SDCBP: variants seen among roughly 807,000 people sequenced by gnomAD.
SDCBP encodes the protein syntenin-1.
In SDCBP, 22 loss-of-function variants were observed where a neutral mutation model predicts 30.5. That is an observed-to-expected ratio of 0.72 (90% CI 0.52 to 1.03). SDCBP has a LOEUF of 1.03. Ranked by LOEUF, SDCBP falls within the 50% of genes least tolerant of loss-of-function variation. The probability of loss-of-function intolerance (pLI) is 0.00; values close to 1 mark genes in which losing one functional copy is unlikely to be tolerated. For synonymous variants in SDCBP, 103 were observed against 118.7 expected (o/e 0.87, Z 0.86); for missense variants, 304 against 369.9 (o/e 0.82, Z 1.46).
At position 58,579,650 on chromosome 8, in the gene SDCBP, T is replaced by A. The variant is rs1805565513; in HGVS notation, c.606T>A (p.His202Gln). The A allele has an allele frequency of 6.3e-7, 1 of 1,594,966 alleles. No individual in the cohort carries two copies. Among genetic ancestry groups the A allele is most frequent in the East Asian group, 2.3e-5 (1 of 44,220 alleles). The stretch of plus-strand genomic sequence containing the variant: ...CCTTTGAACGGACGATTACCATGCA[T>A]AAGGATAGCACTGGACATGTTGGTT... ...DRPFERTITM[H>Q]KDSTGHVGFI... Residue 202 changes from histidine (H) to glutamine (Q), a missense_variant, in exon 7 of 9, where the codon CAT (histidine) becomes CAA (glutamine). His to Gln is a conservative substitution (Grantham distance 24). Coordinates refer to ENST00000260130, the MANE Select transcript of SDCBP (RefSeq NM_005625.4).
intron 1 of SDCBP, among the ~76,000 whole-genome samples, chr8:58,556,342 C>T (rs963097632): frequency 1.1e-4 from 17 of 152,198 alleles, no homozygotes; most frequent in Admixed American, 6.5e-5. Flanking sequence ...CTGACAGGAG[C>T]TGGAGCTCAG....
In SDCBP at chr8:58,553,689, A is replaced by G. The variant is rs1200566132; in HGVS notation, c.-16+386A>G. Among the ~76,000 whole-genome samples, 5 of 152,178 alleles carry G rather than the reference A, an allele frequency of 3.3e-5. No homozygotes were observed. In the South Asian group the frequency reaches 8.3e-4, roughly 25 times the overall value. On this transcript the variant is annotated intron_variant, in intron 1 of 8. Coordinates refer to ENST00000260130, the MANE Select transcript of SDCBP (RefSeq NM_005625.4). ...TCTCTCGATCCTTGTTTTCTCCTCG[A>G]TAAGATCTCGACATAAGAAAGAGCC...
chr8:58,566,171 C>G (rs2129607720), intron 2 of SDCBP, among the ~76,000 whole-genome samples: 1 of 152,186 alleles, frequency 6.6e-6, no homozygotes, highest in South Asian at 2.1e-4. Context: ...GTTTTTATTT[C>G]CACATAGTTC....
At chr8:58,578,294 T>C (rs904065886) in intron 6 of SDCBP, 86 bp downstream of exon 6, 2 of 1,011,112 alleles carry the variant, frequency 2.0e-6, no homozygotes, top group Non-Finnish European at 2.8e-6. Flanking sequence ...GTATATTATT[T>C]TGTTGCAGAA....
In SDCBP at chr8:58,572,040, A is replaced by G. The variant is rs111547257; in HGVS notation, c.131-165A>G. 1.3e-4 allele frequency among the ~76,000 whole-genome samples: 20 copies of G among 152,268 alleles called. 1 individual carries two copies. Among genetic ancestry groups the G allele is most frequent in the African/African-American group, 4.6e-4 (19 of 41,552 alleles). On this transcript the variant is annotated intron_variant, in intron 3 of 8. Transcript: ENST00000260130. ...ACATTTTCTGTATTTTCCATTTCTC[A>G]TTATTACAGAGATGGGGAGATGCCT... is the stretch of plus-strand genomic sequence containing the variant.
intron 1 of SDCBP, chr8:58,560,520 C>T (rs778243302): frequency 2.7e-5 from 4 of 150,936 alleles, no homozygotes; most frequent in Non-Finnish European, 5.9e-5. Flanking sequence ...ACTCTAAAAG[C>T]CCACTGATGG....
chr8:58,562,443 T>G (rs560087036), intron 1 of SDCBP, among the ~76,000 whole-genome samples: 2 of 152,264 alleles, frequency 1.3e-5, no homozygotes, highest in African/African-American at 4.8e-5. Flanking sequence ...ATTTTAAAAC[T>G]TAATACAAAT....
rs751992243 is a variant in SDCBP, at chr8:58,578,145, A to G, written c.515A>G (p.Asp172Gly). The G allele has an allele frequency of 6.2e-7, 1 of 1,611,326 alleles. No homozygotes were observed. The highest frequency in any genetic ancestry group is 1.1e-5 in the South Asian group (1 of 90,668). The change falls in exon 6 of 9, where the codon GAT becomes GGT. Residue 172 changes from aspartate to glycine, a missense_variant. Transcript: ENST00000260130. ...GAAAACTGTGCAGGATGGAGCTCTG[A>G]TAAAGCGCACAAGGTGCTCAAACAG... ...NGENCAGWSS[D>G]KAHKVLKQAF...
chr8:58,579,352 CAT>C (rs1377080126), intron 6 of SDCBP, among the ~76,000 whole-genome samples: 3 of 152,062 alleles, frequency 2.0e-5, no homozygotes, highest in Non-Finnish European at 2.9e-5. Context: ...AAAAGAAAAA[CAT>C]ATTGATAAAA....
intron 1 of SDCBP, among the ~76,000 whole-genome samples, chr8:58,559,988 G>A (rs1294988451): frequency 6.6e-6 from 1 of 152,206 alleles, no homozygotes; most frequent in Non-Finnish European, 1.5e-5. Flanking sequence ...ATTTTTCAGA[G>A]GTCTGCCCAA....
rs1805708275 is a variant in SDCBP at position 58,581,868 on chromosome 8, ATTAT to A, written c.*129_*132del. On this transcript the variant is annotated 3_prime_UTR_variant, in exon 9 of 9. Transcript: ENST00000260130. ...CTGCATGAGGACCTTTCTATCTTAC[ATTAT>A]GGCTGGGAATCTTACTCTTTCATCT... is the stretch of plus-strand genomic sequence containing the variant. 2 of 717,538 alleles carry A rather than the reference ATTAT, an allele frequency of 2.8e-6. No individual in the cohort carries two copies. Among genetic ancestry groups the A allele is most frequent in the East Asian group, 5.2e-5 (2 of 38,610 alleles). 44.4% of individuals were successfully genotyped at this position (717,538 alleles called of 1,614,324 possible).
At chr8:58,565,291 A>G (rs929820583) in intron 2 of SDCBP, among the ~76,000 whole-genome samples, 2 of 152,060 alleles carry the variant, frequency 1.3e-5, no homozygotes, top group African/African-American at 4.8e-5. Flanking sequence ...ATTAATAGGC[A>G]TGAGATTTTT....
chr8:58,577,751 G>T (rs1035128609), intron 5 of SDCBP, among the ~76,000 whole-genome samples: 4 of 152,126 alleles, frequency 2.6e-5, no homozygotes, highest in Middle Eastern at 3.2e-3. Context: ...AGTTGAAGGG[G>T]GGGATTGTGG....
intron 2 of SDCBP, among the ~76,000 whole-genome samples, chr8:58,565,887 G>A (rs1017398122): frequency 2.0e-5 from 3 of 152,022 alleles, no homozygotes; most frequent in Non-Finnish European, 4.4e-5. Flanking sequence ...CAAGATAAAC[G>A]AAAACTCCTT....
chr8:58,553,488 G>A (rs968463368), intron 1 of SDCBP, among the ~76,000 whole-genome samples, 185 bp downstream of exon 1: 5 of 151,908 alleles, frequency 3.3e-5, no homozygotes, highest in Admixed American at 2.6e-4. Flanking sequence ...CCTGCTGGCT[G>A]GGGGGGCAAG....
intron 1 of SDCBP, among the ~76,000 whole-genome samples, chr8:58,564,816 G>A (rs901196681): frequency 6.6e-6 from 1 of 152,090 alleles, no homozygotes; most frequent in Non-Finnish European, 1.5e-5. Flanking sequence ...TACTATTAGG[G>A]GAAGGAGAGG....
intron 8 of SDCBP, 28 bp downstream of exon 8, chr8:58,580,636 C>A: frequency 8.8e-7 from 1 of 1,130,164 alleles, no homozygotes. Context: ...CAACTTAATG[C>A]ATATGGTCAT....
At chr8:58,555,582 A>T (rs1804052960) in intron 1 of SDCBP, among the ~76,000 whole-genome samples, 1 of 152,188 alleles carries the variant, frequency 6.6e-6, no homozygotes, top group African/African-American at 2.4e-5. Flanking sequence ...AGCTGTTTTT[A>T]TAATAACTAG....
At chr8:58,574,772 T>C (rs932007424) in intron 4 of SDCBP, among the ~76,000 whole-genome samples, 3 of 152,204 alleles carry the variant, frequency 2.0e-5, no homozygotes, top group African/African-American at 7.2e-5. Context: ...CTTGATGTAT[T>C]GATAAACACA....
Sources: gnomAD v4.1 joint callset for allele counts (sites outside exome capture counted in the v4.1 genomes callset) on GRCh38, gnomAD v4.1.1 for gene constraint, MANE v1.5 for transcripts, NCBI Gene and HGNC (gene_info 2026-07-23, HGNC 2026-07-21) for gene names.